KIAA0586: variants seen among roughly 807,000 people sequenced by gnomAD.
KIAA0586 encodes KIAA0586.
In KIAA0586, 144 loss-of-function variants were observed where a neutral mutation model predicts 169.8. That is an observed-to-expected ratio of 0.85 (90% CI 0.74 to 0.97). The LOEUF (loss-of-function observed/expected upper bound fraction) is 0.97, where lower values mean the gene tolerates loss of function less well. KIAA0586 is among the 50% of genes least tolerant of loss of function. KIAA0586 has a pLI of 0.00. For missense variants in KIAA0586, 1,854 were observed against 1,823.0 expected, an observed-to-expected ratio of 1.02 and a Z score of -0.31; for synonymous variants, 625 against 612.4, an observed-to-expected ratio of 1.02 and a Z score of -0.30.
chr14:58,440,392 T>G (rs1566786321), intron 4 of KIAA0586, among the ~76,000 whole-genome samples: 1 of 152,106 alleles, frequency 6.6e-6, no homozygotes, highest in Non-Finnish European at 1.5e-5. Context: ...AATGCAATGG[T>G]GTGATCTCTG....
At chr14:58,488,505 G>A in intron 23 of KIAA0586, 116 bp from the exon 24 acceptor site, 2 of 1,218,608 alleles carry the variant, frequency 1.6e-6, no homozygotes, top group Non-Finnish European at 2.3e-6. Context: ...TAGTAGTGCA[G>A]ATTTAAAAAA....
At chr14:58,553,844 A>T (rs941247295), downstream of KIAA0586, among the ~76,000 whole-genome samples, 5 of 152,066 alleles carry the variant, frequency 3.3e-5, no homozygotes, top group Admixed American at 3.3e-4. Flanking sequence ...AGGACAAACC[A>T]CCCCAAACTA....
chr14:58,458,416 AG>A, intron 11 of KIAA0586, 56 bp from the exon 12 acceptor site: 1 of 901,984 alleles, frequency 1.1e-6, no homozygotes, highest in Non-Finnish European at 1.7e-6. Context: ...ATCTGATCCA[AG>A]TCCTGCTCAG....
intron 20 of KIAA0586, among the ~76,000 whole-genome samples, chr14:58,477,462 C>T (rs2041728393): frequency 6.6e-6 from 1 of 152,086 alleles, no homozygotes; most frequent in African/African-American, 2.4e-5. Flanking sequence ...TACCTCCCAC[C>T]CCAAATCTCT....
At position 58,453,230 on chromosome 14, in the gene KIAA0586, A is replaced by T. The variant is rs1595158195; in HGVS notation, c.1130-120A>T. 9.3e-6 allele frequency: 5 copies of T among 535,330 alleles called. No individual in the cohort carries two copies. In the South Asian group the frequency reaches 1.2e-4, roughly 12 times the overall value. The allele number at this position is 535,330 out of a possible 1,614,324, so 33.2% of individuals were successfully genotyped here. A position where few individuals can be genotyped will look rare whatever the true frequency, so the allele number is the denominator to read the frequency against. The stretch of plus-strand genomic sequence containing the variant: ...CACTGCGCCTGGCTTTTAGGCTATA[A>T]ATTGAGTAGATAATCATCATAAGAA... On this transcript the variant is annotated intron_variant, in intron 8 of 30. Coordinates refer to ENST00000652326, the MANE Select transcript of KIAA0586 (RefSeq NM_001329943.3).
chr14:58,454,148 G>T (rs530660176), intron 9 of KIAA0586, among the ~76,000 whole-genome samples: 2 of 152,032 alleles, frequency 1.3e-5, no homozygotes, highest in South Asian at 2.1e-4. Context: ...TTTTCTGGTT[G>T]CACCATTTTA....
At position 58,488,718 on chromosome 14, in the gene KIAA0586, G is replaced by A. The variant is rs1013600621; in HGVS notation, c.3625G>A (p.Gly1209Ser). The stretch of plus-strand genomic sequence containing the variant: ...AGTTCCCTTTATGCCATTTCCTGCC[G>A]GCACCAAGGCCCCTTCCCCCTCACA... Reference protein sequence around the residue: ...EPVPFMPFPAGTKAPSPSQMP... With the variant: ...EPVPFMPFPASTKAPSPSQMP... The change falls in exon 24 of 31, where the codon GGC (glycine) becomes AGC (serine). Residue 1209 changes from glycine (G) to serine (S), a missense_variant. Transcript: ENST00000652326. The A allele has an allele frequency of 1.9e-5, 30 of 1,613,700 alleles. No individual in the cohort carries two copies. The highest frequency in any genetic ancestry group is 1.6e-4 in the Middle Eastern group (1 of 6,062).
chr14:58,490,430 GTTA>G (rs1437057630), intron 25 of KIAA0586, among the ~76,000 whole-genome samples, 190 bp downstream of exon 25: 6 of 152,062 alleles, frequency 3.9e-5, no homozygotes, highest in African/African-American at 9.7e-5. Flanking sequence ...ATGAAAAAAA[GTTA>G]TTATTAACCC....
intron 27 of KIAA0586, among the ~76,000 whole-genome samples, chr14:58,504,490 G>GA (rs1161206371): frequency 6.6e-6 from 1 of 152,182 alleles, no homozygotes; most frequent in Admixed American, 6.5e-5. Context: ...TCATACAAAT[G>GA]AAAAAAATCC....
intron 27 of KIAA0586, among the ~76,000 whole-genome samples, chr14:58,504,289 A>C (rs907371012): frequency 1.3e-5 from 2 of 152,202 alleles, no homozygotes; most frequent in Non-Finnish European, 2.9e-5. Context: ...GGAGATGGAC[A>C]GGAATTCATT....
At chr14:58,482,411 G>C (rs2042096048) in intron 20 of KIAA0586, 102 bp from the exon 21 acceptor site, 1 of 885,390 alleles carries the variant, frequency 1.1e-6, no homozygotes, top group Non-Finnish European at 1.6e-6. Flanking sequence ...GGGTGACAGA[G>C]TGACACTACG....
chr14:58,548,803 A>G lies in KIAA0586; in HGVS notation c.*871A>G, dbSNP rs1328190411. The G allele has an allele frequency of 6.6e-6, 1 of 152,242 alleles. No homozygotes were observed. The highest frequency in any genetic ancestry group is 2.4e-5 in the African/African-American group (1 of 41,466). The allele number at this position is 152,242 out of a possible 1,614,324, so 9.4% of individuals were successfully genotyped here. A position where few individuals can be genotyped will look rare whatever the true frequency, so the allele number is the denominator to read the frequency against. ...ACATAAATACATAAAATTAAAGGAA[A>G]ATAAAAAGCATTGCTTCGTAATCAG... On this transcript the variant is annotated 3_prime_UTR_variant, in exon 31 of 31. Transcript: ENST00000652326.
chr14:58,444,104 C>T lies in KIAA0586; in HGVS notation c.736C>T (p.Gln246Ter). 1.2e-6 allele frequency: 2 copies of T among 1,613,580 alleles called. No homozygotes were observed. The highest frequency in any genetic ancestry group is 4.5e-5 in the East Asian group (2 of 44,834). The change falls in exon 6 of 31, where the codon CAA (glutamine) becomes TAA (stop). Residue 246 changes from glutamine (Q) to a stop codon, truncating the protein, a stop_gained. Transcript: ENST00000652326. LOFTEE classifies it high-confidence loss of function. Reference sequence around the variant, plus strand: ...ATTACATTGTCATGATCACGAAAAGCAAATGAATGTGTTTATGGAGCAGCA... The same window carrying T: ...ATTACATTGTCATGATCACGAAAAGTAAATGAATGTGTTTATGGAGCAGCA... ...EKLHCHDHEKQMNVFMEQHIR... is the reference protein window; with the variant it reads ...EKLHCHDHEK
At chr14:58,430,842 T>C in intron 3 of KIAA0586, 125 bp downstream of exon 3, 1 of 582,162 alleles carries the variant, frequency 1.7e-6, no homozygotes, top group South Asian at 2.4e-5. Context: ...CATCATCACC[T>C]TTCATATCCA....
chr14:58,547,689 C>A, intron 30 of KIAA0586, 92 bp from the exon 31 acceptor site: 2 of 1,060,344 alleles, frequency 1.9e-6, no homozygotes, highest in East Asian at 3.0e-5. Context: ...TCCGCGCCCC[C>A]CCACCCCAAC....
chr14:58,490,621 T>C (rs2042777276), intron 25 of KIAA0586, among the ~76,000 whole-genome samples: 1 of 152,086 alleles, frequency 6.6e-6, no homozygotes, highest in South Asian at 2.1e-4. Flanking sequence ...TTATAATTCT[T>C]TGTGCTAATA....
At chr14:58,460,095 A>C (rs892260430) in intron 13 of KIAA0586, 25 bp downstream of exon 13, 41 of 1,281,990 alleles carry the variant, frequency 3.2e-5, no homozygotes, top group Admixed American at 1.4e-4. Context: ...TGTTCTTTTA[A>C]CATAATTGTT....
chr14:58,539,900 T>C lies in KIAA0586; in HGVS notation c.4430-171T>C, dbSNP rs74058003. The stretch of plus-strand genomic sequence containing the variant: ...ATTGATAGTCATTAAAATTCAGCTG[T>C]TTAACTTCCTTCTTTACATTCAGGC... On this transcript the variant is annotated intron_variant, in intron 29 of 30. Coordinates refer to ENST00000652326, the MANE Select transcript of KIAA0586 (RefSeq NM_001329943.3). 5.1e-3 allele frequency: 2,586 copies of C among 506,320 alleles called. 62 individuals are homozygous for C. Among genetic ancestry groups the C allele is most frequent in the African/African-American group, 0.044 (2,249 of 51,270 alleles). 31.4% of individuals were successfully genotyped at this position (506,320 alleles called of 1,614,324 possible). A position where few individuals can be genotyped will look rare whatever the true frequency, so the allele number is the denominator to read the frequency against.
Position 58,441,943 on chromosome 14 carries a change from C to T in KIAA0586, c.411-763C>T, listed in dbSNP as rs548750292. The T allele has an allele frequency of 2.6e-5, 4 of 152,136 alleles. No homozygotes were observed. In the East Asian group the frequency reaches 5.8e-4, roughly 22 times the overall value. 9.4% of individuals were successfully genotyped at this position (152,136 alleles called of 1,614,324 possible). A position where few individuals can be genotyped will look rare whatever the true frequency, so the allele number is the denominator to read the frequency against. Reference sequence around the variant, plus strand: ...GCCACCACACCCGGCACAGACCAGACTTACTCCACTTTTTCTCCCCTTCTC... The same window carrying T: ...GCCACCACACCCGGCACAGACCAGATTTACTCCACTTTTTCTCCCCTTCTC... On this transcript the variant is annotated intron_variant, in intron 4 of 30. Transcript: ENST00000652326.
Sources: gnomAD v4.1 joint callset for allele counts (sites outside exome capture counted in the v4.1 genomes callset) on GRCh38, gnomAD v4.1.1 for gene constraint, MANE v1.5 for transcripts, NCBI Gene and HGNC (gene_info 2026-07-23, HGNC 2026-07-21) for gene names.